MCU: variants seen among roughly 807,000 people sequenced by gnomAD.
MCU encodes the protein mitochondrial calcium uniporter, also known as calcium uniporter protein, mitochondrial.
MCU carries 12 observed loss-of-function variants against 45.2 expected under a neutral mutation model. That is an observed-to-expected ratio of 0.27 (90% confidence interval 0.17 to 0.43). The LOEUF (loss-of-function observed/expected upper bound fraction) is 0.43, where lower values mean the gene tolerates loss of function less well. Among genes scored for constraint, MCU ranks in the 20% least tolerant of loss-of-function variants. MCU has a pLI of 1.00. For missense variants in MCU, 324 were observed against 436.7 expected (o/e 0.74, Z 2.30); for synonymous variants, 160 against 165.1 (o/e 0.97, Z 0.24).
intron 1 of MCU, among the ~76,000 whole-genome samples, chr10:72,750,680 G>C (rs186903099): frequency 1.3e-5 from 2 of 151,958 alleles, no homozygotes; most frequent in Non-Finnish European, 2.9e-5. Flanking sequence ...TTTGATGTAC[G>C]TGTCTATGAA....
chr10:72,787,064 ATAATG>A (rs1358370071), intron 1 of MCU, among the ~76,000 whole-genome samples: 1 of 152,226 alleles, frequency 6.6e-6, no homozygotes, highest in Non-Finnish European at 1.5e-5. Context: ...TATCCATTTA[ATAATG>A]TAATAAAAAT....
chr10:72,820,421 A>G (rs781546304), intron 1 of MCU, among the ~76,000 whole-genome samples: 5 of 151,886 alleles, frequency 3.3e-5, no homozygotes, highest in Admixed American at 6.5e-5. Flanking sequence ...TAGGGTAAAC[A>G]TTTAGGTGAT....
At chr10:72,843,799 T>A (rs1482218217) in intron 2 of MCU, among the ~76,000 whole-genome samples, 2 of 146,996 alleles carry the variant, frequency 1.4e-5, no homozygotes, top group Non-Finnish European at 3.0e-5. Context: ...TTGCCAGCAT[T>A]TGATGTTTAA....
chr10:72,756,243 T>C (rs1283017094), intron 1 of MCU, among the ~76,000 whole-genome samples: 1 of 152,130 alleles, frequency 6.6e-6, no homozygotes, highest in Non-Finnish European at 1.5e-5. Flanking sequence ...TGCCTCAGCC[T>C]CCAAAAGTAC....
At chr10:72,832,934 ATGTG>A (rs6143982) in intron 1 of MCU, among the ~76,000 whole-genome samples, 3 of 143,756 alleles carry the variant, frequency 2.1e-5, no homozygotes, top group East Asian at 4.0e-4. Flanking sequence ...ACCAATAGCT[ATGTG>A]TGTGTGTGTG....
intron 4 of MCU, among the ~76,000 whole-genome samples, chr10:72,864,127 T>A (rs929541024): frequency 6.6e-6 from 1 of 152,212 alleles, no homozygotes; most frequent in African/African-American, 2.4e-5. Context: ...CATAGCCACC[T>A]CTTGTTGCTA....
chr10:72,833,943 A>C (rs1275844051), intron 1 of MCU, among the ~76,000 whole-genome samples: 4 of 152,242 alleles, frequency 2.6e-5, no homozygotes, highest in Non-Finnish European at 5.9e-5. Flanking sequence ...AATAACTCTC[A>C]TACCTGGTAA....
At chr10:72,832,950 G>GTGTGTGTGTGTGTGTGTGTGTT (rs1844901541) in intron 1 of MCU, among the ~76,000 whole-genome samples, 1 of 151,882 alleles carries the variant, frequency 6.6e-6, no homozygotes, top group Non-Finnish European at 1.5e-5. Flanking sequence ...GTGTGTGTGT[G>GTGTGTGTGTGTGTGTGTGTGTT]TGTGTGTGTG....
At chr10:72,882,109 AG>A (rs2132902607) in intron 6 of MCU, among the ~76,000 whole-genome samples, 1 of 152,304 alleles carries the variant, frequency 6.6e-6, no homozygotes, top group Non-Finnish European at 1.5e-5. Context: ...CAAATTGTGA[AG>A]GTTTCATGGA....
intron 1 of MCU, among the ~76,000 whole-genome samples, chr10:72,797,533 A>AC (rs1844268882): frequency 1.0e-5 from 1 of 100,102 alleles, no homozygotes; most frequent in Non-Finnish European, 2.2e-5. Flanking sequence ...GCCATAATAT[A>AC]CTTTTTTTTT....
chr10:72,719,905 A>C (rs898414214), intron 1 of MCU, among the ~76,000 whole-genome samples: 1 of 152,014 alleles, frequency 6.6e-6, no homozygotes, highest in Non-Finnish European at 1.5e-5. Context: ...TTATTGATTG[A>C]TTAGTTGATT....
chr10:72,695,220 G>A (rs1842671092), intron 1 of MCU, among the ~76,000 whole-genome samples: 1 of 152,150 alleles, frequency 6.6e-6, no homozygotes, highest in African/African-American at 2.4e-5. Flanking sequence ...CGGCTATGCT[G>A]AATTACTACA....
intron 1 of MCU, among the ~76,000 whole-genome samples, chr10:72,786,028 C>T (rs1377993048): frequency 6.6e-6 from 1 of 152,098 alleles, no homozygotes; most frequent in East Asian, 1.9e-4. Flanking sequence ...TGAACAAGCA[C>T]TGTGTGAAAA....
At position 72,820,069 on chromosome 10, in the gene MCU, A is replaced by T. The variant is rs527439604; in HGVS notation, c.151-14290A>T. The stretch of plus-strand genomic sequence containing the variant: ...TGTTATAGGGCAGGAAGAAATAATC[A>T]TGCTAGAAGTAAGGATCCTGCATCA... On this transcript the variant is annotated intron_variant, in intron 1 of 7. Transcript: ENST00000373053. 3.3e-5 allele frequency among the ~76,000 whole-genome samples: 5 copies of T among 152,334 alleles called. No individual in the cohort carries two copies. In the South Asian group the frequency reaches 1.0e-3, roughly 32 times the overall value.
At chr10:72,749,688 G>A (rs1187408906) in intron 1 of MCU, among the ~76,000 whole-genome samples, 2 of 152,170 alleles carry the variant, frequency 1.3e-5, no homozygotes, top group African/African-American at 4.8e-5. Context: ...TGTTACAGGA[G>A]CAGGTGTTAA....
intron 1 of MCU, among the ~76,000 whole-genome samples, chr10:72,733,398 A>G (rs907262411): frequency 8.5e-5 from 13 of 152,162 alleles, no homozygotes; most frequent in African/African-American, 3.1e-4. Context: ...CAGAGGTTGC[A>G]GTGAGCTGAG....
intron 1 of MCU, among the ~76,000 whole-genome samples, chr10:72,701,065 A>G (rs920405813): frequency 2.0e-5 from 3 of 152,144 alleles, no homozygotes; most frequent in African/African-American, 7.2e-5. Context: ...CCTCTTTTCT[A>G]TGATAAGTAA....
At chr10:72,826,783 A>G (rs773637743) in intron 1 of MCU, among the ~76,000 whole-genome samples, 24 of 152,178 alleles carry the variant, frequency 1.6e-4, no homozygotes, top group Admixed American at 1.2e-3. Context: ...GAAAAATTCT[A>G]GAAATAATTA....
intron 1 of MCU, among the ~76,000 whole-genome samples, chr10:72,703,707 C>G (rs1223310782): frequency 6.6e-6 from 1 of 152,072 alleles, no homozygotes; most frequent in Non-Finnish European, 1.5e-5. Flanking sequence ...GAGTTTGAGA[C>G]CAGCCTGGGC....
Sources: gnomAD v4.1 joint callset for allele counts (sites outside exome capture counted in the v4.1 genomes callset) on GRCh38, gnomAD v4.1.1 for gene constraint, MANE v1.5 for transcripts, NCBI Gene and HGNC (gene_info 2026-07-23, HGNC 2026-07-21) for gene names.